Variants in XKR4 observed in about 807,000 individuals in gnomAD.
XKR4 encodes XK related 4, also known as XK-related protein 4.
Under a neutral mutation model 53.9 loss-of-function variants are expected in XKR4, and 12 were observed. That is an observed-to-expected ratio of 0.22 (90% confidence interval 0.14 to 0.36). XKR4 has a LOEUF of 0.36. Ranked by LOEUF, XKR4 falls within the 10% of genes least tolerant of loss-of-function variation. XKR4 has a pLI of 1.00. For synonymous variants in XKR4, 354 were observed against 362.4 expected, an observed-to-expected ratio of 0.98 and a Z score of 0.26; for missense variants, 799 against 859.5, an observed-to-expected ratio of 0.93 and a Z score of 0.88.
intron 1 of XKR4, among the ~76,000 whole-genome samples, chr8:55,207,780 G>A (rs1264894954): frequency 6.6e-6 from 1 of 152,162 alleles, no homozygotes; most frequent in Non-Finnish European, 1.5e-5. Flanking sequence ...GGGAGAGGGA[G>A]TGGGGAGGGA....
At chr8:55,393,098 G>C (rs1434659341) in intron 2 of XKR4, among the ~76,000 whole-genome samples, 1 of 151,972 alleles carries the variant, frequency 6.6e-6, no homozygotes, top group Non-Finnish European at 1.5e-5. Flanking sequence ...ATTTAGCAAG[G>C]ATCATTAAAT....
chr8:55,518,503 A>G (rs1420881846), intron 2 of XKR4, among the ~76,000 whole-genome samples: 1 of 152,224 alleles, frequency 6.6e-6, no homozygotes, highest in Non-Finnish European at 1.5e-5. Context: ...GTAGTGAGAA[A>G]TACACTAATT....
intron 2 of XKR4, among the ~76,000 whole-genome samples, chr8:55,375,848 C>A (rs1441137384): frequency 6.6e-6 from 1 of 152,030 alleles, no homozygotes; most frequent in Non-Finnish European, 1.5e-5. Context: ...TTAAGCCCCG[C>A]ATGCGTTAGC....
At chr8:55,429,100 T>C (rs765373187) in intron 2 of XKR4, among the ~76,000 whole-genome samples, 6 of 152,166 alleles carry the variant, frequency 3.9e-5, no homozygotes, top group Non-Finnish European at 7.3e-5. Context: ...CACAAATATA[T>C]AGACACACAA....
At chr8:55,430,809 A>G (rs1805090041) in intron 2 of XKR4, among the ~76,000 whole-genome samples, 1 of 152,152 alleles carries the variant, frequency 6.6e-6, no homozygotes. Context: ...GTGTCTTCAC[A>G]TGTCTTCATT....
At chr8:55,518,837 C>T (rs937891620) in intron 2 of XKR4, among the ~76,000 whole-genome samples, 22 of 152,118 alleles carry the variant, frequency 1.4e-4, no homozygotes, top group African/African-American at 5.3e-4. Context: ...ACAACCAGAC[C>T]AAAATGGGGC....
chr8:55,420,040 ATTC>A (rs1185315896), intron 2 of XKR4, among the ~76,000 whole-genome samples: 3 of 152,336 alleles, frequency 2.0e-5, no homozygotes, highest in South Asian at 4.1e-4. Flanking sequence ...GCCTTGGTAT[ATTC>A]AGTCAAGTAC....
intron 1 of XKR4, among the ~76,000 whole-genome samples, chr8:55,149,650 A>G (rs919359833): frequency 6.6e-6 from 1 of 152,152 alleles, no homozygotes; most frequent in Non-Finnish European, 1.5e-5. Flanking sequence ...AGATGCCCCA[A>G]GCTCTGGCCT....
chr8:55,340,768 G>C (rs1803533304), intron 1 of XKR4, among the ~76,000 whole-genome samples: 2 of 152,306 alleles, frequency 1.3e-5, no homozygotes, highest in Admixed American at 1.3e-4. Flanking sequence ...GGGAAAGCTT[G>C]AGCTAAACCT....
At chr8:55,242,310 G>A (rs1204709496) in intron 1 of XKR4, among the ~76,000 whole-genome samples, 1 of 152,126 alleles carries the variant, frequency 6.6e-6, no homozygotes, top group East Asian at 1.9e-4. Context: ...GTAATTTAAG[G>A]TTATGAGTAC....
intron 1 of XKR4, among the ~76,000 whole-genome samples, chr8:55,268,425 G>T (rs1383183542): frequency 6.6e-6 from 1 of 152,186 alleles, no homozygotes; most frequent in African/African-American, 2.4e-5. Flanking sequence ...ATAGAGGAAA[G>T]ACAGCTTGCA....
At chr8:55,498,195 C>T (rs1038656434) in intron 2 of XKR4, among the ~76,000 whole-genome samples, 2 of 152,244 alleles carry the variant, frequency 1.3e-5, no homozygotes, top group African/African-American at 4.8e-5. Context: ...ATGGCCTAAC[C>T]TCCAAGGATG....
At chr8:55,397,642 A>G (rs1563340483) in intron 2 of XKR4, among the ~76,000 whole-genome samples, 1 of 151,600 alleles carries the variant, frequency 6.6e-6, no homozygotes, top group Non-Finnish European at 1.5e-5. Flanking sequence ...ACATGCACAC[A>G]CACATGGGTG....
chr8:55,226,909 C>T (rs943376089), intron 1 of XKR4, among the ~76,000 whole-genome samples: 1 of 152,164 alleles, frequency 6.6e-6, no homozygotes, highest in Admixed American at 6.5e-5. Flanking sequence ...AAGTCAGGAG[C>T]CTGAGCAAAA....
chr8:55,170,249 A>T (rs1817139378), intron 1 of XKR4, among the ~76,000 whole-genome samples: 1 of 152,218 alleles, frequency 6.6e-6, no homozygotes, highest in African/African-American at 2.4e-5. Context: ...TAGCTTATAA[A>T]GCAAAGGGGA....
At chr8:55,106,717 A>AT (rs774178413) in intron 1 of XKR4, among the ~76,000 whole-genome samples, 2 of 152,142 alleles carry the variant, frequency 1.3e-5, no homozygotes, top group Non-Finnish European at 2.9e-5. Flanking sequence ...ATAGTTAATT[A>AT]TTTTCCAGAA....
chr8:55,254,345 T>C (rs1818405651), intron 1 of XKR4, among the ~76,000 whole-genome samples: 1 of 152,054 alleles, frequency 6.6e-6, no homozygotes, highest in African/African-American at 2.4e-5. Context: ...AAGCAAATAA[T>C]CACTGTATGT....
At chr8:55,107,570 C>T (rs1816167855) in intron 1 of XKR4, among the ~76,000 whole-genome samples, 3 of 152,068 alleles carry the variant, frequency 2.0e-5, no homozygotes, top group Admixed American at 2.0e-4. Flanking sequence ...ACCATTTGGA[C>T]ATACTGAGGT....
At chr8:55,491,634 G>A (rs1806273748) in intron 2 of XKR4, among the ~76,000 whole-genome samples, 2 of 151,314 alleles carry the variant, frequency 1.3e-5, no homozygotes. Context: ...GGGTTTGTTT[G>A]TTTGTTTGTT....
Sources: gnomAD v4.1 joint callset for allele counts (sites outside exome capture counted in the v4.1 genomes callset) on GRCh38, gnomAD v4.1.1 for gene constraint, MANE v1.5 for transcripts, NCBI Gene and HGNC (gene_info 2026-07-23, HGNC 2026-07-21) for gene names.